LRRTM4: variants seen among roughly 807,000 people sequenced by gnomAD.
LRRTM4 encodes leucine-rich repeat transmembrane neuronal protein 4.
A neutral mutation model predicts 47.6 loss-of-function variants in LRRTM4; 25 were observed. That is an observed-to-expected ratio of 0.53 (90% CI 0.38 to 0.73). The LOEUF is 0.73. Among genes scored for constraint, LRRTM4 ranks in the 30% least tolerant of loss-of-function variants. LRRTM4 has a pLI of 0.00. For synonymous variants in LRRTM4, 311 were observed against 269.5 expected (o/e 1.15, Z -1.51); for missense variants, 638 against 713.4 (o/e 0.89, Z 1.20).
chr2:77,086,335 A>T (rs1680711740), intron 3 of LRRTM4, among the ~76,000 whole-genome samples: 1 of 152,130 alleles, frequency 6.6e-6, no homozygotes, highest in East Asian at 1.9e-4. Flanking sequence ...GTCTGCCTCC[A>T]AAGTTTATGC....
intron 3 of LRRTM4, among the ~76,000 whole-genome samples, chr2:77,334,644 T>C (rs144227892): frequency 3.9e-5 from 6 of 152,322 alleles, no homozygotes; most frequent in African/African-American, 1.4e-4. Context: ...CTCTGTTTTT[T>C]GGTAAATTGC....
chr2:77,043,525 A>G (rs955302426), intron 3 of LRRTM4, among the ~76,000 whole-genome samples: 1 of 151,812 alleles, frequency 6.6e-6, no homozygotes, highest in African/African-American at 2.4e-5. Flanking sequence ...CATTGTGTTC[A>G]ATTTATGTAG....
chr2:76,802,534 C>G (rs1338656869), intron 3 of LRRTM4, among the ~76,000 whole-genome samples: 1 of 152,048 alleles, frequency 6.6e-6, no homozygotes, highest in Non-Finnish European at 1.5e-5. Context: ...GGAAAAATGT[C>G]TATACTACTA....
intron 3 of LRRTM4, among the ~76,000 whole-genome samples, chr2:77,087,189 G>T (rs1048349579): frequency 6.6e-6 from 1 of 152,212 alleles, no homozygotes; most frequent in South Asian, 2.1e-4. Context: ...AGCATCAAGA[G>T]AGTGGGCATA....
intron 3 of LRRTM4, among the ~76,000 whole-genome samples, chr2:77,342,676 A>G (rs1192818665): frequency 6.6e-6 from 1 of 152,026 alleles, no homozygotes; most frequent in African/African-American, 2.4e-5. Context: ...TCCAGAGAAC[A>G]GTCATTTAAT....
At chr2:76,855,519 C>T (rs1483906986) in intron 3 of LRRTM4, among the ~76,000 whole-genome samples, 1 of 152,116 alleles carries the variant, frequency 6.6e-6, no homozygotes, top group African/African-American at 2.4e-5. Flanking sequence ...TAGATTAGTG[C>T]CGAAGTAAAT....
intron 3 of LRRTM4, among the ~76,000 whole-genome samples, chr2:77,235,668 A>G (rs958467921): frequency 1.3e-5 from 2 of 152,042 alleles, no homozygotes; most frequent in Non-Finnish European, 2.9e-5. Context: ...TAGATTTTTA[A>G]TCCATCTTGA....
At chr2:77,175,380 C>T (rs185841447) in intron 3 of LRRTM4, among the ~76,000 whole-genome samples, 1 of 152,134 alleles carries the variant, frequency 6.6e-6, no homozygotes, top group East Asian at 1.9e-4. Context: ...GGAAGGCTAC[C>T]CTGACGCACC....
At chr2:76,766,839 C>G (rs561229613) in intron 3 of LRRTM4, among the ~76,000 whole-genome samples, 2 of 152,074 alleles carry the variant, frequency 1.3e-5, no homozygotes, top group Admixed American at 6.6e-5. Context: ...TCTAAACATG[C>G]TACAATGTGC....
chr2:76,798,130 A>G (rs1176377616), intron 3 of LRRTM4, among the ~76,000 whole-genome samples: 1 of 152,094 alleles, frequency 6.6e-6, no homozygotes, highest in African/African-American at 2.4e-5. Flanking sequence ...TCTCCACACC[A>G]AATCAACACA....
intron 3 of LRRTM4, among the ~76,000 whole-genome samples, chr2:76,836,667 G>A (rs572326573): frequency 6.6e-6 from 1 of 152,010 alleles, no homozygotes; most frequent in East Asian, 1.9e-4. Flanking sequence ...GATCTATGAG[G>A]GAATAAAGGT....
chr2:76,991,994 T>A (rs1348120292), intron 3 of LRRTM4, among the ~76,000 whole-genome samples: 1 of 151,866 alleles, frequency 6.6e-6, no homozygotes, highest in Non-Finnish European at 1.5e-5. Flanking sequence ...CACAAGTCAT[T>A]AAATGTGGTT....
chr2:76,811,533 T>G (rs1205764803), intron 3 of LRRTM4, among the ~76,000 whole-genome samples: 1 of 152,156 alleles, frequency 6.6e-6, no homozygotes, highest in Non-Finnish European at 1.5e-5. Context: ...GCCATTCATC[T>G]GATGGAAAAA....
Position 77,483,118 on chromosome 2 carries a change from CAAAAAAAAAAAAAAAAA to C in LRRTM4, c.1551+35183_1551+35199del, listed in dbSNP as rs776265725. 2.0e-4 allele frequency among the ~76,000 whole-genome samples: 12 copies of C among 60,594 alleles called. No individual in the cohort carries two copies. In the East Asian group the frequency reaches 4.6e-3, roughly 23 times the overall value. 39.8% of individuals were successfully genotyped at this position (60,594 alleles called of 152,430 possible). A position where few individuals can be genotyped will look rare whatever the true frequency, so the allele number is the denominator to read the frequency against. ...CCTAGGAGGCAGAGCAAGACTGTCTCAAAAAAAAAAAAAAAAAAAAAAAAAAAAAAAAAAAATTCCAC... is the reference window on the plus strand; with the variant it reads ...CCTAGGAGGCAGAGCAAGACTGTCTCAAAAAAAAAAAAAAAAAAATTCCAC... On this transcript the variant is annotated intron_variant, in intron 3 of 3. Coordinates refer to ENST00000409884, the MANE Select transcript of LRRTM4 (RefSeq NM_001134745.3).
At chr2:77,407,277 T>C (rs1674232629) in intron 3 of LRRTM4, among the ~76,000 whole-genome samples, 1 of 152,044 alleles carries the variant, frequency 6.6e-6, no homozygotes, top group African/African-American at 2.4e-5. Flanking sequence ...AAAACTTATA[T>C]AATCCAAGTA....
chr2:77,165,895 T>G (rs1672870483), intron 3 of LRRTM4, among the ~76,000 whole-genome samples: 1 of 152,162 alleles, frequency 6.6e-6, no homozygotes, highest in African/African-American at 2.4e-5. Context: ...CTTTGAAAAC[T>G]GGCCCAAGAC....
intron 3 of LRRTM4, among the ~76,000 whole-genome samples, chr2:77,010,276 AT>A (rs1249823983): frequency 6.6e-6 from 1 of 151,912 alleles, no homozygotes; most frequent in East Asian, 1.9e-4. Flanking sequence ...TGTTTGATTA[AT>A]ATCCTCCCAT....
At chr2:76,937,305 A>G (rs1483949422) in intron 3 of LRRTM4, among the ~76,000 whole-genome samples, 1 of 152,160 alleles carries the variant, frequency 6.6e-6, no homozygotes, top group African/African-American at 2.4e-5. Context: ...CTCAATGTTT[A>G]GCCATAATCA....
chr2:77,000,085 C>T (rs1677359929), intron 3 of LRRTM4, among the ~76,000 whole-genome samples: 1 of 152,102 alleles, frequency 6.6e-6, no homozygotes, highest in Admixed American at 6.6e-5. Flanking sequence ...GGTTTCTTAG[C>T]TTCACTGGAC....
Sources: gnomAD v4.1 joint callset for allele counts (sites outside exome capture counted in the v4.1 genomes callset) on GRCh38, gnomAD v4.1.1 for gene constraint, MANE v1.5 for transcripts, NCBI Gene and HGNC (gene_info 2026-07-23, HGNC 2026-07-21) for gene names.